Variants in ACSS3 observed in about 807,000 individuals in gnomAD.
ACSS3 encodes acyl-CoA synthetase short-chain family member 3, mitochondrial.
A neutral mutation model predicts 84.2 loss-of-function variants in ACSS3; 64 were observed. The ratio of observed to expected loss-of-function variants is 0.76; its 90% confidence interval spans 0.62 to 0.94. The LOEUF (loss-of-function observed/expected upper bound fraction) is 0.94, where lower values mean the gene tolerates loss of function less well. Ranked by LOEUF, ACSS3 falls within the 40% of genes least tolerant of loss-of-function variation. The pLI is 0.00. For missense variants in ACSS3, 815 were observed against 867.6 expected (o/e 0.94, Z 0.76); for synonymous variants, 317 against 310.1 (o/e 1.02, Z -0.23).
chr12:81,177,592 A>G (rs2030584668), intron 8 of ACSS3, among the ~76,000 whole-genome samples: 1 of 152,188 alleles, frequency 6.6e-6, no homozygotes, highest in Non-Finnish European at 1.5e-5. Flanking sequence ...TCCAGAATCT[A>G]CAATGAACTC....
intron 4 of ACSS3, among the ~76,000 whole-genome samples, chr12:81,142,588 C>T (rs558588950): frequency 6.6e-6 from 1 of 152,122 alleles, no homozygotes; most frequent in African/African-American, 2.4e-5. Flanking sequence ...TAGAATTCTT[C>T]CCTACTCCTG....
intron 8 of ACSS3, among the ~76,000 whole-genome samples, chr12:81,188,549 T>A (rs1320974602): frequency 1.3e-5 from 2 of 152,092 alleles, no homozygotes; most frequent in Admixed American, 6.6e-5. Flanking sequence ...AAATATGCCT[T>A]ATCCTGACCT....
intron 13 of ACSS3, among the ~76,000 whole-genome samples, chr12:81,248,154 C>T (rs1411527569): frequency 2.6e-5 from 4 of 151,910 alleles, no homozygotes; most frequent in East Asian, 3.9e-4. Flanking sequence ...GGAGATTTTT[C>T]GAAAAACTAA....
At chr12:81,112,314 A>T (rs1883670747) in intron 2 of ACSS3, among the ~76,000 whole-genome samples, 1 of 152,224 alleles carries the variant, frequency 6.6e-6, no homozygotes. Context: ...ATTTAATTTG[A>T]TACATAATCA....
chr12:81,178,661 G>A (rs1170276532), intron 8 of ACSS3, among the ~76,000 whole-genome samples: 1 of 151,978 alleles, frequency 6.6e-6, no homozygotes, highest in Non-Finnish European at 1.5e-5. Flanking sequence ...CAAATGAATG[G>A]AAAAGCATTC....
chr12:81,217,376 GAATA>G (rs1375964773), intron 10 of ACSS3, among the ~76,000 whole-genome samples: 1 of 152,108 alleles, frequency 6.6e-6, no homozygotes, highest in Admixed American at 6.6e-5. Context: ...CTGGTTAACA[GAATA>G]AATAATTTTC....
chr12:81,085,087 G>A (rs17735561), intron 1 of ACSS3, among the ~76,000 whole-genome samples: 7,195 of 152,248 alleles, frequency 0.047, 228 homozygotes, highest in Middle Eastern at 0.071. Flanking sequence ...ATGCAGAAGT[G>A]AAGAAATTAT....
At chr12:81,244,850 C>T (rs553543421) in intron 13 of ACSS3, among the ~76,000 whole-genome samples, 16 of 152,094 alleles carry the variant, frequency 1.1e-4, no homozygotes, top group Admixed American at 4.6e-4. Context: ...TCAGATAATT[C>T]CAATATTCCT....
chr12:81,111,586 C>G (rs564497241), intron 2 of ACSS3, among the ~76,000 whole-genome samples: 2 of 152,172 alleles, frequency 1.3e-5, no homozygotes, highest in East Asian at 3.9e-4. Context: ...CTGACATACT[C>G]CTCAGAAATA....
At chr12:81,174,124 A>AT (rs1428223145) in intron 7 of ACSS3, among the ~76,000 whole-genome samples, 1 of 152,102 alleles carries the variant, frequency 6.6e-6, no homozygotes, top group Non-Finnish European at 1.5e-5. Context: ...TAACTTGCCT[A>AT]TTTTCCACTT....
chr12:81,170,985 G>C (rs572099348), intron 7 of ACSS3, among the ~76,000 whole-genome samples: 3 of 152,172 alleles, frequency 2.0e-5, no homozygotes, highest in African/African-American at 4.8e-5. Flanking sequence ...TCAGCTTTCT[G>C]AAGCTACTAG....
chr12:81,228,117 T>C (rs2033332254), intron 11 of ACSS3, among the ~76,000 whole-genome samples: 1 of 151,878 alleles, frequency 6.6e-6, no homozygotes, highest in Non-Finnish European at 1.5e-5. Flanking sequence ...TTTTTACCAC[T>C]GAAGTACATT....
At chr12:81,088,066 G>C (rs1235636690) in intron 1 of ACSS3, among the ~76,000 whole-genome samples, 1 of 152,060 alleles carries the variant, frequency 6.6e-6, no homozygotes, top group Non-Finnish European at 1.5e-5. Flanking sequence ...CCACATATAC[G>C]TGATTATGCG....
chr12:81,203,292 C>A (rs2032192698), intron 9 of ACSS3, among the ~76,000 whole-genome samples: 1 of 152,152 alleles, frequency 6.6e-6, no homozygotes, highest in Admixed American at 6.5e-5. Flanking sequence ...TGCCCACTCG[C>A]ACTGAGGAAA....
intron 8 of ACSS3, among the ~76,000 whole-genome samples, chr12:81,183,506 C>T (rs951207979): frequency 2.0e-5 from 3 of 151,982 alleles, no homozygotes; most frequent in African/African-American, 7.2e-5. Context: ...GTTCCCTAAC[C>T]AAAATCATGT....
chr12:81,157,852 G>C (rs1329853035), intron 7 of ACSS3, among the ~76,000 whole-genome samples: 1 of 150,622 alleles, frequency 6.6e-6, no homozygotes, highest in Non-Finnish European at 1.5e-5. Context: ...AGGAAGAAAA[G>C]GCATACACAC....
chr12:81,116,001 T>C (rs1202138732), intron 2 of ACSS3, among the ~76,000 whole-genome samples: 1 of 152,170 alleles, frequency 6.6e-6, no homozygotes, highest in Non-Finnish European at 1.5e-5. Flanking sequence ...CATTTATTAA[T>C]GTTAAAATGT....
chr12:81,103,100 C>T (rs1384981541), intron 1 of ACSS3, among the ~76,000 whole-genome samples: 1 of 152,082 alleles, frequency 6.6e-6, no homozygotes, highest in Non-Finnish European at 1.5e-5. Context: ...GAATTAGTAA[C>T]AACACAGGAT....
intron 7 of ACSS3, among the ~76,000 whole-genome samples, chr12:81,153,439 A>T (rs943566044): frequency 5.3e-5 from 8 of 151,806 alleles, no homozygotes; most frequent in Non-Finnish European, 1.0e-4. Context: ...AGAAATTGGG[A>T]ATGGCTAGTC....
Sources: gnomAD v4.1 joint callset for allele counts (sites outside exome capture counted in the v4.1 genomes callset) on GRCh38, gnomAD v4.1.1 for gene constraint, MANE v1.5 for transcripts, NCBI Gene and HGNC (gene_info 2026-07-23, HGNC 2026-07-21) for gene names.